The following GAS7 variants were observed in gnomAD, a reference collection of about 807,000 sequenced individuals.
GAS7 encodes the protein growth arrest-specific protein 7.
GAS7 carries 28 observed loss-of-function variants against 71.1 expected under a neutral mutation model. The observed-to-expected ratio is 0.39, with a 90% CI of 0.29 to 0.54. The LOEUF is 0.54. GAS7 is among the 20% of genes least tolerant of loss of function. The pLI is 0.62. For synonymous variants in GAS7, 258 were observed against 245.8 expected, an observed-to-expected ratio of 1.05 and a Z score of -0.46; for missense variants, 436 against 627.8, an observed-to-expected ratio of 0.69 and a Z score of 3.27.
chr17:10,036,262 T>G (rs1470733074), intron 1 of GAS7, among the ~76,000 whole-genome samples: 1 of 151,980 alleles, frequency 6.6e-6, no homozygotes, highest in Admixed American at 6.6e-5. Context: ...GCCTTGGATC[T>G]GTGAAAGGTG....
intron 1 of GAS7, among the ~76,000 whole-genome samples, chr17:10,072,654 T>C (rs887896690): frequency 3.3e-5 from 5 of 152,142 alleles, no homozygotes; most frequent in African/African-American, 4.8e-5. Flanking sequence ...CCCTCTCTGA[T>C]AGAAGCATCT....
intron 2 of GAS7, among the ~76,000 whole-genome samples, chr17:10,014,424 G>A (rs921156990): frequency 5.3e-5 from 8 of 152,106 alleles, no homozygotes; most frequent in African/African-American, 7.2e-5. Context: ...TCACGCCACC[G>A]CCTGGAAATT....
chr17:10,068,700 G>T (rs1451139848), intron 1 of GAS7, among the ~76,000 whole-genome samples: 1 of 152,086 alleles, frequency 6.6e-6, no homozygotes, highest in Non-Finnish European at 1.5e-5. Flanking sequence ...GGAGTTTGAG[G>T]CTGCAGTGAG....
At chr17:10,142,921 C>T (rs540738903) in intron 1 of GAS7, among the ~76,000 whole-genome samples, 25 of 152,030 alleles carry the variant, frequency 1.6e-4, no homozygotes, top group Non-Finnish European at 2.9e-4. Flanking sequence ...CTGTAATCCC[C>T]GCACTTTGGG....
At chr17:10,042,416 C>A (rs1376464244) in intron 1 of GAS7, among the ~76,000 whole-genome samples, 1 of 152,070 alleles carries the variant, frequency 6.6e-6, no homozygotes, top group Non-Finnish European at 1.5e-5. Context: ...CAAGCAGTCT[C>A]TAGGGTACAG....
intron 1 of GAS7, among the ~76,000 whole-genome samples, chr17:10,162,066 CA>C (rs58368044): frequency 0.14 from 14,582 of 103,284 alleles, 1,080 homozygotes; most frequent in African/African-American, 0.29. Context: ...GACTCCATCT[CA>C]AAAAAAAAAA....
rs534416052 is a variant in GAS7, at chr17:10,103,868, C to T, written c.184-83971G>A. On this transcript the variant is annotated intron_variant, in intron 1 of 13. Coordinates refer to ENST00000432992, the MANE Select transcript of GAS7 (RefSeq NM_201433.2). This position sits in a 1 kb window ranked among gnomAD's most constrained non-coding sequence, Gnocchi z 5.5. ...AAAAAAAAGAAGCAAACCCATAGAACCCATAGTAGCTGCTCATCAACCCAC... is the reference window on the plus strand; with the variant it reads ...AAAAAAAAGAAGCAAACCCATAGAATCCATAGTAGCTGCTCATCAACCCAC... 5.0e-4 allele frequency among the ~76,000 whole-genome samples: 76 copies of T among 151,358 alleles called. No homozygotes were observed. The highest frequency in any genetic ancestry group is 1.7e-3 in the African/African-American group (72 of 41,240).
At chr17:10,182,435 C>T (rs761869261) in intron 1 of GAS7, among the ~76,000 whole-genome samples, 1 of 152,218 alleles carries the variant, frequency 6.6e-6, no homozygotes, top group African/African-American at 2.4e-5. Flanking sequence ...GCTGGGATTA[C>T]AGGCATGAGG....
intron 1 of GAS7, among the ~76,000 whole-genome samples, chr17:10,051,918 T>A (rs1380695888): frequency 6.6e-6 from 1 of 152,068 alleles, no homozygotes; most frequent in Admixed American, 6.6e-5. Flanking sequence ...CACCATTAGA[T>A]CTTATCTTTT....
intron 1 of GAS7, among the ~76,000 whole-genome samples, chr17:10,163,442 A>T (rs78106531): frequency 0.19 from 28,291 of 146,020 alleles, 2,785 homozygotes; most frequent in African/African-American, 0.25. Flanking sequence ...TTTTTAATTT[A>T]AAAAAAAAAA....
At chr17:10,046,465 G>A (rs1409944414) in intron 1 of GAS7, among the ~76,000 whole-genome samples, 2 of 151,616 alleles carry the variant, frequency 1.3e-5, no homozygotes, top group Non-Finnish European at 2.9e-5. Flanking sequence ...ACCGCTGGGC[G>A]CGGTGGCTCA....
Position 9,926,919 on chromosome 17 carries a change from CCT to C in GAS7, c.886-152_886-151del, listed in dbSNP as rs2068024501. ...CCTGGCAGGAAGGTGAGAGACACCC[CCT>C]GACACGTGGCTGCCTATCAGGTCTC... is the stretch of plus-strand genomic sequence containing the variant. On this transcript the variant is annotated intron_variant, in intron 9 of 13. Coordinates refer to ENST00000432992, the MANE Select transcript of GAS7 (RefSeq NM_201433.2). The surrounding 1 kb of genome is among the most constrained non-coding windows in gnomAD (Gnocchi z 5.0). The C allele has an allele frequency of 2.7e-6, 2 of 749,394 alleles. No individual in the cohort carries two copies. Among genetic ancestry groups the C allele is most frequent in the South Asian group, 3.2e-5 (2 of 62,238 alleles). The allele number at this position is 749,394 out of a possible 1,614,324, so 46.4% of individuals were successfully genotyped here. A position where few individuals can be genotyped will look rare whatever the true frequency, so the allele number is the denominator to read the frequency against.
Position 10,179,984 on chromosome 17 carries a change from G to A in GAS7, c.183+18224C>T, listed in dbSNP as rs550307253. Among the ~76,000 whole-genome samples, 16 of 152,250 alleles carry A rather than the reference G, an allele frequency of 1.1e-4. No individual in the cohort carries two copies. The South Asian group carries it at 3.3e-3, about 32-fold the overall frequency. On this transcript the variant is annotated intron_variant, in intron 1 of 13. Transcript: ENST00000432992. Reference sequence around the variant, plus strand: ...CTCTCAGTGGAGCATTTACGTTTAGGAAAACAATTGTAACTTTCACAACAA... The same window carrying A: ...CTCTCAGTGGAGCATTTACGTTTAGAAAAACAATTGTAACTTTCACAACAA...
intron 2 of GAS7, among the ~76,000 whole-genome samples, chr17:9,999,336 G>A (rs2071170215): frequency 6.6e-6 from 1 of 152,092 alleles, no homozygotes; most frequent in Non-Finnish European, 1.5e-5. Context: ...TGGCCAACAT[G>A]GTGAAACCCC....
intron 1 of GAS7, among the ~76,000 whole-genome samples, chr17:10,089,890 G>T (rs894728108): frequency 9.9e-5 from 15 of 152,170 alleles, no homozygotes; most frequent in Non-Finnish European, 1.8e-4. Flanking sequence ...ACTGGAGGCC[G>T]GGTGCAGTGG....
rs144422177 is a variant in GAS7 at position 9,979,442 on chromosome 17, CAGAG to C, written c.385+2358_385+2361del. On this transcript the variant is annotated intron_variant, in intron 3 of 13. Transcript: ENST00000432992. ...GCCCAGCACACAGTGCAGCGCTGGA[CAGAG>C]AGAGGCTCTTGATGCACCTGTAGGG... 4.5e-3 allele frequency among the ~76,000 whole-genome samples: 686 copies of C among 152,314 alleles called. 14 individuals carry two copies. The highest frequency in any genetic ancestry group is 0.041 in the East Asian group (211 of 5,178).
At chr17:10,125,916 A>C (rs1000345369) in intron 1 of GAS7, among the ~76,000 whole-genome samples, 4 of 152,100 alleles carry the variant, frequency 2.6e-5, no homozygotes, top group African/African-American at 9.7e-5. Context: ...GATTCCTATC[A>C]CAGACTTGGA....
At chr17:9,961,662 C>A (rs1256475983) in intron 4 of GAS7, among the ~76,000 whole-genome samples, 1 of 152,174 alleles carries the variant, frequency 6.6e-6, no homozygotes, top group African/African-American at 2.4e-5. Flanking sequence ...TTGCTTATTA[C>A]GGCAGGCTCC....
chr17:10,018,023 G>A (rs912092361), intron 2 of GAS7, among the ~76,000 whole-genome samples: 3 of 152,160 alleles, frequency 2.0e-5, no homozygotes, highest in African/African-American at 4.8e-5. Flanking sequence ...ATACCCATGC[G>A]ATGGATTACT....
Sources: gnomAD v4.1 joint callset for allele counts (sites outside exome capture counted in the v4.1 genomes callset) on GRCh38, gnomAD v4.1.1 for gene constraint, Gnocchi (gnomAD v3.1) non-coding constraint, MANE v1.5 for transcripts, NCBI Gene and HGNC (gene_info 2026-07-23, HGNC 2026-07-21) for gene names.